The following KLHL6 variants were observed in gnomAD, a reference collection of about 807,000 sequenced individuals.
The protein encoded by KLHL6 is kelch like family member 6.
Under a neutral mutation model 58.6 loss-of-function variants are expected in KLHL6, and 41 were observed. The ratio of observed to expected loss-of-function variants is 0.70; its 90% CI spans 0.55 to 0.91. The LOEUF (loss-of-function observed/expected upper bound fraction) is 0.91, where lower values mean the gene tolerates loss of function less well. KLHL6 is among the 40% of genes least tolerant of loss of function. The pLI is 0.00. For missense variants in KLHL6, 714 were observed against 805.6 expected (o/e 0.89, Z 1.38); for synonymous variants, 338 against 322.7 (o/e 1.05, Z -0.51).
chr3:183,510,827 C>T (rs1718161624), intron 2 of KLHL6, among the ~76,000 whole-genome samples: 1 of 151,866 alleles, frequency 6.6e-6, no homozygotes, highest in Admixed American at 6.6e-5. Context: ...TAGCTGATAT[C>T]GTGTCATTGC....
At chr3:183,513,032 G>A (rs908689114) in intron 2 of KLHL6, among the ~76,000 whole-genome samples, 9 of 152,056 alleles carry the variant, frequency 5.9e-5, no homozygotes, top group African/African-American at 2.2e-4. Context: ...TGTTAGCAGT[G>A]GTTATAGATA....
chr3:183,519,486 T>G (rs575755321), intron 2 of KLHL6, among the ~76,000 whole-genome samples: 4 of 152,212 alleles, frequency 2.6e-5, no homozygotes. Context: ...TGGAACTATA[T>G]AAGCAACCCG....
chr3:183,555,691 A>T lies in KLHL6; in HGVS notation c.-38T>A. ...AGCGCCCAAGTGTCAGGCAGGCCCCATTGCAGGAGCTGAGCGGATTTCCTG... is the reference window on the plus strand; with the variant it reads ...AGCGCCCAAGTGTCAGGCAGGCCCCTTTGCAGGAGCTGAGCGGATTTCCTG... On this transcript the variant is annotated 5_prime_UTR_variant, in exon 1 of 7. An upstream start codon of the reference 5' UTR is lost. Coordinates refer to ENST00000341319, the MANE Select transcript of KLHL6 (RefSeq NM_130446.4). 6.5e-7 allele frequency: 1 copy of T among 1,536,846 alleles called. No homozygotes were observed. Among genetic ancestry groups the T allele is most frequent in the Non-Finnish European group, 8.7e-7 (1 of 1,146,610 alleles).
At chr3:183,541,338 C>T (rs1577201806) in intron 1 of KLHL6, among the ~76,000 whole-genome samples, 1 of 152,208 alleles carries the variant, frequency 6.6e-6, no homozygotes, top group South Asian at 2.1e-4. Context: ...AGGAGCTCCT[C>T]CAGCTGGGGA....
At chr3:183,536,335 C>T (rs1712364832) in intron 1 of KLHL6, among the ~76,000 whole-genome samples, 1 of 152,240 alleles carries the variant, frequency 6.6e-6, no homozygotes, top group South Asian at 2.1e-4. Flanking sequence ...TACTCTCTGA[C>T]CACACTGACT....
At position 183,499,448 on chromosome 3, in the gene KLHL6, T is replaced by G; in HGVS notation, c.1147+142A>C. 1 of 615,212 alleles carries G rather than the reference T, an allele frequency of 1.6e-6. No homozygotes were observed. Among genetic ancestry groups the G allele is most frequent in the South Asian group, 2.3e-5 (1 of 43,790 alleles). The allele number at this position is 615,212 out of a possible 1,614,324, so 38.1% of individuals were successfully genotyped here. ...CTCTCCAAGATAAGACCACCTGAGC[T>G]CCTGGGTCCATATCCTGTCTCAGTC... is the stretch of plus-strand genomic sequence containing the variant. On this transcript the variant is annotated intron_variant, in intron 4 of 6. Transcript: ENST00000341319. The surrounding 1 kb of genome is among the most constrained non-coding windows in gnomAD (Gnocchi z 4.6).
At position 183,534,094 on chromosome 3, in the gene KLHL6, TAAAGTACTTTA is replaced by T. The variant is rs1194252171; in HGVS notation, c.294-6095_294-6085del. On this transcript the variant is annotated intron_variant, in intron 1 of 6. Transcript: ENST00000341319. ...CCAGCCTTTAAAAGTACTTTACTTT[TAAAGTACTTTA>T]AAAGTACTTTACTTTTAAAGTACTT... is the stretch of plus-strand genomic sequence containing the variant. Among the ~76,000 whole-genome samples the T allele has an allele frequency of 6.8e-4, 88 of 129,396 alleles. 2 individuals carry two copies. In the South Asian group the frequency reaches 0.016, roughly 23 times the overall value. 84.9% of individuals were successfully genotyped at this position (129,396 alleles called of 152,430 possible). A position where few individuals can be genotyped will look rare whatever the true frequency, so the allele number is the denominator to read the frequency against.
At position 183,491,954 on chromosome 3, in the gene KLHL6, C is replaced by A. The variant is rs775994687; in HGVS notation, c.1839G>T (p.Arg613Ser). The A allele has an allele frequency of 3.3e-6, 5 of 1,530,520 alleles. No homozygotes were observed. The South Asian group carries it at 3.8e-5, about 12-fold the overall frequency. 94.8% of individuals were successfully genotyped at this position (1,530,520 alleles called of 1,614,324 possible). A position where few individuals can be genotyped will look rare whatever the true frequency, so the allele number is the denominator to read the frequency against. Residue 613 changes from arginine (R) to serine (S), a missense_variant, in exon 7 of 7, where the codon AGG becomes AGT. Physicochemically the swap from Arg to Ser is moderately radical, Grantham distance 110. Around this residue, in one of 2 missense-constraint regions of KLHL6, gnomAD observed 510 missense variants for 629.7 expected, o/e 0.81. Coordinates refer to ENST00000341319, the MANE Select transcript of KLHL6 (RefSeq NM_130446.4). ...AGACAGACACTGCTCCGGGCACGATCCTGCGGATGTGGGTGTACGACTTCC... is the reference window on the plus strand; with the variant it reads ...AGACAGACACTGCTCCGGGCACGATACTGCGGATGTGGGTGTACGACTTCC... ...TIRKSYTHIR[R>S]IVPGAVSV
intron 2 of KLHL6, among the ~76,000 whole-genome samples, chr3:183,517,692 G>A (rs756555885): frequency 1.3e-5 from 2 of 152,228 alleles, no homozygotes; most frequent in African/African-American, 2.4e-5. Context: ...CAGAGAAGAC[G>A]GTGGTGGCCC....
intron 3 of KLHL6, among the ~76,000 whole-genome samples, chr3:183,504,758 T>C (rs2108671797): frequency 6.6e-6 from 1 of 152,240 alleles, no homozygotes. Context: ...AATTGTGTGT[T>C]GTGGGGGTTT....
intron 1 of KLHL6, among the ~76,000 whole-genome samples, chr3:183,535,521 G>GC (rs1018011213): frequency 3.0e-4 from 45 of 152,236 alleles, no homozygotes; most frequent in African/African-American, 1.1e-3. Flanking sequence ...TATAACTGAG[G>GC]CAACACATCT....
intron 1 of KLHL6, among the ~76,000 whole-genome samples, chr3:183,553,773 T>G (rs899452360): frequency 1.3e-5 from 2 of 151,974 alleles, no homozygotes; most frequent in Non-Finnish European, 2.9e-5. Flanking sequence ...TTTCATTTCC[T>G]CATCTGTGAA....
At chr3:183,500,388 A>G (rs1047380107) in intron 3 of KLHL6, among the ~76,000 whole-genome samples, 4 of 152,228 alleles carry the variant, frequency 2.6e-5, no homozygotes, top group Admixed American at 1.3e-4. Context: ...TCCAACATAC[A>G]GCATATGACC....
rs143372628 is a variant in KLHL6, at chr3:183,526,624, A to G, written c.459+1221T>C. The stretch of plus-strand genomic sequence containing the variant: ...TTAGGATTTTTTGAGGCAAGGGATT[A>G]CCGGAATAGGGAAATCAACAACAAA... On this transcript the variant is annotated intron_variant, in intron 2 of 6. Transcript: ENST00000341319. Among the ~76,000 whole-genome samples the G allele has an allele frequency of 2.6e-4, 39 of 152,368 alleles. No individual in the cohort carries two copies. The East Asian group carries it at 6.7e-3, about 26-fold the overall frequency.
intron 2 of KLHL6, among the ~76,000 whole-genome samples, chr3:183,524,226 T>C (rs1711871295): frequency 6.6e-6 from 1 of 152,164 alleles, no homozygotes; most frequent in Admixed American, 6.6e-5. Flanking sequence ...CTTGCTTACC[T>C]ACGACTCAGA....
chr3:183,539,612 G>C (rs1401838023), intron 1 of KLHL6, among the ~76,000 whole-genome samples: 1 of 151,946 alleles, frequency 6.6e-6, no homozygotes, highest in Non-Finnish European at 1.5e-5. Context: ...GGGAGGCTGA[G>C]GCAGGAGAAT....
At position 183,499,351 on chromosome 3, in the gene KLHL6, A is replaced by AAAAAAG. The variant is rs1553807656; in HGVS notation, c.1147+238_1147+239insCTTTTT. ...ACAGAGCGAGACGCTGTCTCAAAAA[A>AAAAAAG]AAAAGAAAAGAAAAGAAAAGAAAAA... On this transcript the variant is annotated intron_variant, in intron 4 of 6. Coordinates refer to ENST00000341319, the MANE Select transcript of KLHL6 (RefSeq NM_130446.4). The surrounding 1 kb of genome is among the most constrained non-coding windows in gnomAD (Gnocchi z 4.6). Among the ~76,000 whole-genome samples, 4 of 151,958 alleles carry AAAAAAG rather than the reference A, an allele frequency of 2.6e-5. No homozygotes were observed. Among genetic ancestry groups the AAAAAAG allele is most frequent in the Non-Finnish European group, 4.4e-5 (3 of 67,930 alleles).
chr3:183,509,544 C>T (rs779491031), intron 2 of KLHL6, among the ~76,000 whole-genome samples: 3 of 152,214 alleles, frequency 2.0e-5, no homozygotes, highest in Non-Finnish European at 4.4e-5. Context: ...ACAACCCTCA[C>T]GTCTCAGGGG....
chr3:183,488,860 T>C lies in KLHL6; in HGVS notation c.*3067A>G, dbSNP rs1226987027. 6.6e-6 allele frequency: 1 copy of C among 152,196 alleles called. No individual in the cohort carries two copies. Among genetic ancestry groups the C allele is most frequent in the Non-Finnish European group, 1.5e-5 (1 of 68,038 alleles). 9.4% of individuals were successfully genotyped at this position (152,196 alleles called of 1,614,324 possible). ...GCTTCATATACAGAACCCTAGACCT[T>C]CTAACCAGGTGTATCTGTTCCCTAC... On this transcript the variant is annotated 3_prime_UTR_variant, in exon 7 of 7. Transcript: ENST00000341319.
Sources: gnomAD v4.1 joint callset for allele counts (sites outside exome capture counted in the v4.1 genomes callset) on GRCh38, gnomAD v4.1.1 for gene constraint, gnomAD v4.1.1 regional missense constraint, Gnocchi (gnomAD v3.1) non-coding constraint, MANE v1.5 for transcripts, NCBI Gene and HGNC (gene_info 2026-07-23, HGNC 2026-07-21) for gene names.